Variants in KIF16B observed in about 807,000 individuals in gnomAD.
The protein encoded by KIF16B is kinesin-like protein KIF16B.
A neutral mutation model predicts 156.3 loss-of-function variants in KIF16B; 98 were observed. The ratio of observed to expected loss-of-function variants is 0.63; its 90% CI spans 0.53 to 0.74. The LOEUF is 0.74. Ranked by LOEUF, KIF16B falls within the 30% of genes least tolerant of loss-of-function variation. KIF16B has a pLI of 0.00. For synonymous variants in KIF16B, 564 were observed against 583.7 expected, an observed-to-expected ratio of 0.97 and a Z score of 0.49; for missense variants, 1,421 against 1,606.5, an observed-to-expected ratio of 0.88 and a Z score of 1.97.
At chr20:16,536,919 C>T (rs924184820) in intron 1 of KIF16B, among the ~76,000 whole-genome samples, 2 of 152,080 alleles carry the variant, frequency 1.3e-5, no homozygotes. Flanking sequence ...ATGTGACACT[C>T]CATCAAACAA....
intron 1 of KIF16B, among the ~76,000 whole-genome samples, chr20:16,545,851 C>T (rs1290635261): frequency 1.3e-5 from 2 of 151,972 alleles, no homozygotes; most frequent in African/African-American, 4.8e-5. Context: ...ATCACTATAA[C>T]CCTCTTCCCA....
intron 25 of KIF16B, among the ~76,000 whole-genome samples, chr20:16,294,398 G>A (rs192006750): frequency 1.6e-3 from 239 of 152,272 alleles, no homozygotes; most frequent in Non-Finnish European, 2.3e-3. Flanking sequence ...GAAAGTGAGT[G>A]AGAGAAAAAG....
At chr20:16,536,410 T>C (rs1317487516) in intron 1 of KIF16B, among the ~76,000 whole-genome samples, 1 of 152,108 alleles carries the variant, frequency 6.6e-6, no homozygotes, top group African/African-American at 2.4e-5. Context: ...TAGAAATAAG[T>C]TCTAATGCTT....
intron 23 of KIF16B, among the ~76,000 whole-genome samples, chr20:16,351,129 C>T (rs1025604494): frequency 6.6e-6 from 1 of 152,058 alleles, no homozygotes; most frequent in Admixed American, 6.5e-5. Context: ...AACTCTTCTG[C>T]CGATTACTTC....
intron 17 of KIF16B, among the ~76,000 whole-genome samples, chr20:16,388,910 TA>T (rs1007961242): frequency 2.0e-5 from 3 of 152,176 alleles, no homozygotes; most frequent in Non-Finnish European, 2.9e-5. Flanking sequence ...TTTCAGTTTC[TA>T]AACAGAGTAT....
intron 25 of KIF16B, among the ~76,000 whole-genome samples, chr20:16,304,416 T>C (rs1465758486): frequency 6.6e-6 from 1 of 152,152 alleles, no homozygotes; most frequent in Non-Finnish European, 1.5e-5. Context: ...GCCACCAACA[T>C]GGAAAAGCCC....
At chr20:16,488,721 T>C (rs1056763012) in intron 12 of KIF16B, among the ~76,000 whole-genome samples, 1 of 152,180 alleles carries the variant, frequency 6.6e-6, no homozygotes, top group Non-Finnish European at 1.5e-5. Flanking sequence ...GTCTCAAGAA[T>C]CCATTGATGT....
intron 12 of KIF16B, among the ~76,000 whole-genome samples, chr20:16,472,253 T>C (rs2067682531): frequency 6.6e-6 from 1 of 152,222 alleles, no homozygotes; most frequent in Non-Finnish European, 1.5e-5. Flanking sequence ...CTAAAATATT[T>C]ACTATCTGGT....
chr20:16,366,904 G>A (rs2064678891), intron 22 of KIF16B: 1 of 1,214,108 alleles, frequency 8.2e-7, no homozygotes, highest in Non-Finnish European at 1.0e-6. Context: ...TTACAAGCCT[G>A]AGTTTCAAGA....
intron 22 of KIF16B, among the ~76,000 whole-genome samples, chr20:16,361,611 C>G (rs1000610602): frequency 6.6e-6 from 1 of 152,174 alleles, no homozygotes; most frequent in Non-Finnish European, 1.5e-5. Flanking sequence ...AGAAACAGTG[C>G]TAACCTTATC....
At chr20:16,367,854 G>T in intron 22 of KIF16B, 1 of 1,588,618 alleles carries the variant, frequency 6.3e-7, no homozygotes, top group South Asian at 1.2e-5. Context: ...TGTTGTAACT[G>T]AATACAGTGA....
chr20:16,331,912 A>G (rs2122908115), intron 24 of KIF16B, among the ~76,000 whole-genome samples: 1 of 152,328 alleles, frequency 6.6e-6, no homozygotes, highest in African/African-American at 2.4e-5. Context: ...ATACGTAATA[A>G]ACATTGATCT....
rs904611618 is a variant in KIF16B at position 16,299,267 on chromosome 20, C to T, written c.3795+13068G>A. On this transcript the variant is annotated intron_variant, in intron 25 of 25. Coordinates refer to ENST00000354981, the MANE Select transcript of KIF16B (RefSeq NM_024704.5). The stretch of plus-strand genomic sequence containing the variant: ...GTGTGCATATAAATAAGATTGGCCC[C>T]ATGATGACTGTATGTTGAAGTGGGG... Among the ~76,000 whole-genome samples the T allele has an allele frequency of 2.0e-5, 3 of 151,940 alleles. No individual in the cohort carries two copies. In the East Asian group the frequency reaches 5.8e-4, roughly 29 times the overall value.
rs1482371067 is a variant in KIF16B at position 16,378,840 on chromosome 20, C to T, written c.3162G>A (p.Glu1054=). Residue 1054 remains glutamate, a synonymous_variant, in exon 19 of 26, where the codon GAG becomes GAA. Transcript: ENST00000354981. ...REQSGLQASL[E]AEQEALEKDQ... ...CCTTCTCCAGGGCTTCCTGCTCAGC[C>T]TCCAGGCTAGCCTGGAGCCCTGACT... 2 of 1,613,186 alleles carry T rather than the reference C, an allele frequency of 1.2e-6. No individual in the cohort carries two copies. The highest frequency in any genetic ancestry group is 8.5e-7 in the Non-Finnish European group (1 of 1,179,660).
At chr20:16,331,556 T>C (rs997309022) in intron 24 of KIF16B, among the ~76,000 whole-genome samples, 1 of 152,246 alleles carries the variant, frequency 6.6e-6, no homozygotes, top group Admixed American at 6.5e-5. Flanking sequence ...GTAAATTTAA[T>C]ATGTGTCATT....
At chr20:16,305,366 T>A (rs931252869) in intron 25 of KIF16B, among the ~76,000 whole-genome samples, 2 of 152,186 alleles carry the variant, frequency 1.3e-5, no homozygotes, top group African/African-American at 4.8e-5. Flanking sequence ...TAATCAAATA[T>A]TTCCTCTTCT....
chr20:16,408,577 C>T (rs2065843698), intron 15 of KIF16B, among the ~76,000 whole-genome samples: 2 of 151,992 alleles, frequency 1.3e-5, no homozygotes, highest in South Asian at 2.1e-4. Context: ...TAATCAAATG[C>T]CCAGTCATGC....
At chr20:16,550,633 A>G (rs1019158099) in intron 1 of KIF16B, among the ~76,000 whole-genome samples, 1 of 149,680 alleles carries the variant, frequency 6.7e-6, no homozygotes, top group African/African-American at 2.5e-5. Flanking sequence ...CCCTAAGCTC[A>G]GATGATCCTC....
intron 24 of KIF16B, among the ~76,000 whole-genome samples, chr20:16,320,534 C>A (rs184231084): frequency 7.2e-5 from 11 of 152,238 alleles, no homozygotes; most frequent in Admixed American, 1.3e-4. Flanking sequence ...AACAGATTAG[C>A]ACGCAGCACA....
Sources: allele counts gnomAD v4.1 joint callset (sites outside exome capture counted in the v4.1 genomes callset), GRCh38; gene constraint gnomAD v4.1.1; transcripts MANE v1.5; gene names NCBI Gene and HGNC (gene_info 2026-07-23, HGNC 2026-07-21).